The following LVRN variants were observed in gnomAD, a reference collection of about 807,000 sequenced individuals.
LVRN encodes laeverin, also known as aminopeptidase Q.
LVRN carries 99 observed loss-of-function variants against 111.4 expected under a neutral mutation model. The ratio of observed to expected loss-of-function variants is 0.89; its 90% CI spans 0.76 to 1.05. The LOEUF (loss-of-function observed/expected upper bound fraction) is 1.05. LVRN is among the 50% of genes least tolerant of loss of function. LVRN has a pLI of 0.00. For synonymous variants in LVRN, 488 were observed against 449.5 expected, an observed-to-expected ratio of 1.09 and a Z score of -1.08; for missense variants, 1,414 against 1,206.8, an observed-to-expected ratio of 1.17 and a Z score of -2.54.
At position 115,983,185 on chromosome 5, in the gene LVRN, C is replaced by G. The variant is rs1747750740; in HGVS notation, c.696-102C>G. ...TGAGGAAGATGAGAGGAAATTTCCT[C>G]TAACACACCAGGCTAACTTACAAGC... On this transcript the variant is annotated intron_variant, in intron 1 of 19. Coordinates refer to ENST00000357872, the MANE Select transcript of LVRN (RefSeq NM_173800.5). 4 of 1,329,090 alleles carry G rather than the reference C, an allele frequency of 3.0e-6. No individual in the cohort carries two copies. The Admixed American group carries it at 9.1e-5, about 30-fold the overall frequency. The allele number at this position is 1,329,090 out of a possible 1,614,324, so 82.3% of individuals were successfully genotyped here.
chr5:115,993,481 G>T (rs1012786396), intron 5 of LVRN, among the ~76,000 whole-genome samples: 1 of 152,094 alleles, frequency 6.6e-6, no homozygotes, highest in Non-Finnish European at 1.5e-5. Context: ...CTGACCTTAT[G>T]TTTAAACATT....
In LVRN at chr5:115,984,623, T is replaced by C. The variant is rs765739446; in HGVS notation, c.892T>C (p.Ser298Pro). 3 of 1,613,666 alleles carry C rather than the reference T, an allele frequency of 1.9e-6. No individual in the cohort carries two copies. The highest frequency in any genetic ancestry group is 1.7e-4 in the Middle Eastern group (1 of 6,060). ...NGSKWTVTTF[S>P]TTPHMPTYLV... ...AAGCAAATGGACTGTTACAACCTTT[T>C]CCACTACGCCCCACATGCCAACTTA... Residue 298 changes from serine (S) to proline (P), a missense_variant, in exon 3 of 20, where the codon TCC becomes CCC. Coordinates refer to ENST00000357872, the MANE Select transcript of LVRN (RefSeq NM_173800.5).
chr5:116,016,914 G>A (rs1415674593), intron 18 of LVRN, among the ~76,000 whole-genome samples: 1 of 152,114 alleles, frequency 6.6e-6, no homozygotes, highest in East Asian at 1.9e-4. Flanking sequence ...TCTCTATAGA[G>A]TAATAGATGT....
chr5:115,981,273 T>C (rs1753554084), intron 1 of LVRN, among the ~76,000 whole-genome samples: 1 of 152,198 alleles, frequency 6.6e-6, no homozygotes, highest in Non-Finnish European at 1.5e-5. Flanking sequence ...GCTAAACAAA[T>C]ACTTATACAA....
intron 1 of LVRN, among the ~76,000 whole-genome samples, chr5:115,965,522 T>C (rs1179640691): frequency 6.6e-6 from 1 of 152,216 alleles, no homozygotes; most frequent in East Asian, 1.9e-4. Flanking sequence ...AGTTTAGAAA[T>C]TTATACGTTT....
intron 1 of LVRN, among the ~76,000 whole-genome samples, chr5:115,976,834 A>G (rs1038159703): frequency 3.9e-5 from 6 of 152,114 alleles, no homozygotes; most frequent in Non-Finnish European, 5.9e-5. Flanking sequence ...GCCCTTTTGG[A>G]TAGTAACTGA....
intron 12 of LVRN, among the ~76,000 whole-genome samples, chr5:116,004,627 C>T (rs183834881): frequency 1.3e-5 from 2 of 152,046 alleles, no homozygotes; most frequent in African/African-American, 4.8e-5. Flanking sequence ...GGAAAAAAAA[C>T]CCCCAAAAAA....
chr5:116,026,207 C>G lies in LVRN; in HGVS notation c.*89C>G. ...TCCAATACTTTGTGAGTCTGGAAAACCACACATTTTATTTGTATTTCAGTC... is the reference window on the plus strand; with the variant it reads ...TCCAATACTTTGTGAGTCTGGAAAAGCACACATTTTATTTGTATTTCAGTC... On this transcript the variant is annotated 3_prime_UTR_variant, in exon 20 of 20. Transcript: ENST00000357872. 6.5e-7 allele frequency: 1 copy of G among 1,533,348 alleles called. No individual in the cohort carries two copies. The highest frequency in any genetic ancestry group is 8.9e-7 in the Non-Finnish European group (1 of 1,123,940). 95.0% of individuals were successfully genotyped at this position (1,533,348 alleles called of 1,614,324 possible). A position where few individuals can be genotyped will look rare whatever the true frequency, so the allele number is the denominator to read the frequency against.
intron 6 of LVRN, among the ~76,000 whole-genome samples, chr5:115,995,913 C>G (rs1748097244): frequency 6.6e-6 from 1 of 151,944 alleles, no homozygotes. Flanking sequence ...ATAGCAAAAA[C>G]ACACTGGAGT....
intron 1 of LVRN, among the ~76,000 whole-genome samples, chr5:115,982,669 G>A (rs1025934245): frequency 7.2e-5 from 11 of 152,142 alleles, no homozygotes; most frequent in Admixed American, 3.9e-4. Context: ...CCAGTGTGTG[G>A]TGGGATAATG....
intron 1 of LVRN, among the ~76,000 whole-genome samples, 163 bp downstream of exon 1, chr5:115,963,475 T>C (rs1032107876): frequency 6.6e-6 from 1 of 152,374 alleles, no homozygotes; most frequent in Middle Eastern, 3.4e-3. Context: ...TATTTTATTA[T>C]ACTTTAAGTT....
At chr5:116,007,165 C>T (rs1580394914) in intron 13 of LVRN, among the ~76,000 whole-genome samples, 1 of 152,188 alleles carries the variant, frequency 6.6e-6, no homozygotes, top group Admixed American at 6.5e-5. Flanking sequence ...GAATTTCATT[C>T]TGTCTTCTTT....
rs35835980 is a variant in LVRN at position 115,969,799 on chromosome 5, CA to C, written c.695+6505del. Among the ~76,000 whole-genome samples the C allele has an allele frequency of 6.9e-3, 786 of 113,832 alleles. 3 individuals are homozygous for C. Among genetic ancestry groups the C allele is most frequent in the African/African-American group, 0.02 (584 of 29,508 alleles). 74.7% of individuals were successfully genotyped at this position (113,832 alleles called of 152,430 possible). A position where few individuals can be genotyped will look rare whatever the true frequency, so the allele number is the denominator to read the frequency against. On this transcript the variant is annotated intron_variant, in intron 1 of 19. Coordinates refer to ENST00000357872, the MANE Select transcript of LVRN (RefSeq NM_173800.5). ...TGGGCAACAGAGCGAGACTCGATCTCAAAAAAAAAAAAAAAAAAGATATTAT... is the reference window on the plus strand; with the variant it reads ...TGGGCAACAGAGCGAGACTCGATCTCAAAAAAAAAAAAAAAAAGATATTAT...
chr5:115,993,553 G>A (rs1346478), intron 5 of LVRN, among the ~76,000 whole-genome samples, 188 bp from the exon 6 acceptor site: 1 of 152,038 alleles, frequency 6.6e-6, no homozygotes, highest in Non-Finnish European at 1.5e-5. Flanking sequence ...AGAAATGCAT[G>A]ACTAATATCT....
At chr5:115,988,034 A>G (rs1243712852) in intron 4 of LVRN, 95 bp downstream of exon 4, 6 of 1,468,816 alleles carry the variant, frequency 4.1e-6, no homozygotes, top group African/African-American at 1.4e-5. Context: ...ATAAGGATTC[A>G]CCATCACCAT....
At chr5:115,966,378 TTGAG>T (rs1172810588) in intron 1 of LVRN, among the ~76,000 whole-genome samples, 1 of 152,260 alleles carries the variant, frequency 6.6e-6, no homozygotes, top group Admixed American at 6.5e-5. Flanking sequence ...CATCAATAGT[TTGAG>T]TCTTTTTATT....
intron 1 of LVRN, chr5:115,975,247 A>C (rs1224997223): frequency 4.5e-6 from 2 of 448,352 alleles, no homozygotes; most frequent in South Asian, 1.8e-5. Flanking sequence ...CATGTCCAGC[A>C]TATTGTCTGC....
intron 18 of LVRN, 191 bp from the exon 19 acceptor site, chr5:116,022,200 T>C: frequency 2.0e-6 from 1 of 491,268 alleles, no homozygotes; most frequent in Non-Finnish European, 3.6e-6. Context: ...CATATAAGTA[T>C]TTAACTTCCT....
chr5:115,983,338 T>A lies in LVRN; in HGVS notation c.747T>A (p.Pro249=). 1 of 1,611,834 alleles carries A rather than the reference T, an allele frequency of 6.2e-7. No homozygotes were observed. Among genetic ancestry groups the A allele is most frequent in the Non-Finnish European group, 8.5e-7 (1 of 1,179,294 alleles). Residue 249 remains proline (P), a synonymous_variant, in exon 2 of 20, where the codon CCT becomes CCA. Coordinates refer to ENST00000357872, the MANE Select transcript of LVRN (RefSeq NM_173800.5). ...LEPTFARYVF[P]CFDEPALKAT... ...CAACATTTGCCAGGTATGTTTTCCCTTGTTTTGATGAGCCAGCTCTGAAGG... is the reference window on the plus strand; with the variant it reads ...CAACATTTGCCAGGTATGTTTTCCCATGTTTTGATGAGCCAGCTCTGAAGG...
Sources: allele counts gnomAD v4.1 joint callset (sites outside exome capture counted in the v4.1 genomes callset), GRCh38; gene constraint gnomAD v4.1.1; transcripts MANE v1.5; gene names NCBI Gene and HGNC (gene_info 2026-07-23, HGNC 2026-07-21).